The following JAM2 variants were observed in gnomAD, a reference collection of about 807,000 sequenced individuals.
The protein encoded by JAM2 is junctional adhesion molecule 2, also known as junctional adhesion molecule B.
In JAM2, 17 loss-of-function variants were observed where a neutral mutation model predicts 42.0. The observed-to-expected ratio is 0.40, with a 90% CI of 0.28 to 0.61. JAM2 has a LOEUF of 0.61. JAM2 is among the 20% of genes least tolerant of loss of function. The pLI is 0.37. For missense variants in JAM2, 319 were observed against 358.3 expected, an observed-to-expected ratio of 0.89 and a Z score of 0.89; for synonymous variants, 118 against 128.6, an observed-to-expected ratio of 0.92 and a Z score of 0.56.
At chr21:25,710,796 G>C (rs920569582) in intron 8 of JAM2, among the ~76,000 whole-genome samples, 5 of 152,200 alleles carry the variant, frequency 3.3e-5, no homozygotes, top group African/African-American at 9.7e-5. Flanking sequence ...AGTCACTGGA[G>C]GGCTTTAAGC....
chr21:25,693,696 G>C (rs1256459593), intron 3 of JAM2, 60 bp from the exon 4 acceptor site: 2 of 1,332,890 alleles, frequency 1.5e-6, no homozygotes, highest in African/African-American at 1.5e-5. Flanking sequence ...ATTAGAGGAA[G>C]GTATTACACA....
At chr21:25,695,516 G>C (rs367762325) in intron 4 of JAM2, among the ~76,000 whole-genome samples, 41,642 of 151,100 alleles carry the variant, frequency 0.28, 5,793 homozygotes, top group South Asian at 0.41. Flanking sequence ...GGGCGGCCGC[G>C]GGGCAGAGGG....
intron 3 of JAM2, 151 bp downstream of exon 3, chr21:25,690,124 A>G (rs939846015): frequency 1.0e-5 from 6 of 600,542 alleles, no homozygotes; most frequent in South Asian, 8.1e-5. Flanking sequence ...GAGACATAAA[A>G]CACAATAGCC....
At chr21:25,699,538 C>A (rs556993452) in intron 5 of JAM2, among the ~76,000 whole-genome samples, 1 of 151,872 alleles carries the variant, frequency 6.6e-6, no homozygotes, top group Non-Finnish European at 1.5e-5. Context: ...CTGGCTAACA[C>A]GGTGAAACCC....
intron 1 of JAM2, among the ~76,000 whole-genome samples, chr21:25,651,338 A>C (rs577292111): frequency 1.2e-3 from 182 of 152,354 alleles, no homozygotes; most frequent in African/African-American, 4.2e-3. Flanking sequence ...TGGTTCTTCA[A>C]ATATGAAGCT....
intron 1 of JAM2, among the ~76,000 whole-genome samples, chr21:25,670,197 ACCTTGGCTGCGCAT>A (rs774026111): frequency 4.4e-4 from 67 of 152,082 alleles, no homozygotes; most frequent in Non-Finnish European, 2.4e-4. Context: ...CAAAAATTTG[ACCTTGGCTGCGCAT>A]GGTGGCTCAT....
At chr21:25,712,167 T>C (rs1346702547) in intron 8 of JAM2, 173 bp from the exon 9 acceptor site, 3 of 645,522 alleles carry the variant, frequency 4.6e-6, no homozygotes, top group African/African-American at 3.6e-5. Flanking sequence ...TCTCTGTGAA[T>C]ATTGTCTGTA....
chr21:25,698,139 A>G (rs2123397878), intron 4 of JAM2, among the ~76,000 whole-genome samples: 1 of 152,366 alleles, frequency 6.6e-6, no homozygotes, highest in Middle Eastern at 3.4e-3. Context: ...ATAACAGATA[A>G]GCCCTTAACT....
At chr21:25,699,710 C>G (rs901275852) in intron 5 of JAM2, among the ~76,000 whole-genome samples, 10 of 119,180 alleles carry the variant, frequency 8.4e-5, no homozygotes, top group East Asian at 2.4e-4. Context: ...GTGACAGAGC[C>G]AGGCTCCGTC....
chr21:25,714,967 C>T lies in JAM2; in HGVS notation c.*295C>T, dbSNP rs996963822. The T allele has an allele frequency of 8.0e-6, 2 of 250,590 alleles. No homozygotes were observed. 15.5% of individuals were successfully genotyped at this position (250,590 alleles called of 1,614,324 possible). On this transcript the variant is annotated 3_prime_UTR_variant, in exon 10 of 10. Transcript: ENST00000480456. ...TAACCACGTCCTAACTTCTAGAGAA[C>T]GTTACTAAAATATAACATACTGATT...
At chr21:25,657,696 T>TC (rs2032976550) in intron 1 of JAM2, among the ~76,000 whole-genome samples, 1 of 152,218 alleles carries the variant, frequency 6.6e-6, no homozygotes, top group South Asian at 2.1e-4. Context: ...GAGTCTTTTT[T>TC]CCCTCATTTG....
rs146943636 is a variant in JAM2, at chr21:25,712,780, G to A, written c.864+398G>A. ...CTTTTCTTCCCTGTAGCTTGACCAAGCAGAGTGGTTCCAGCAGAGCTGTGG... is the reference window on the plus strand; with the variant it reads ...CTTTTCTTCCCTGTAGCTTGACCAAACAGAGTGGTTCCAGCAGAGCTGTGG... On this transcript the variant is annotated intron_variant, in intron 9 of 9. Transcript: ENST00000480456. Among the ~76,000 whole-genome samples the A allele has an allele frequency of 1.1e-3, 175 of 152,274 alleles. No individual in the cohort carries two copies. The Middle Eastern group carries it at 0.014, about 12-fold the overall frequency.
intron 4 of JAM2, among the ~76,000 whole-genome samples, chr21:25,697,949 A>ACT (rs2034076765): frequency 7.0e-6 from 1 of 142,262 alleles, no homozygotes; most frequent in Non-Finnish European, 1.5e-5. Context: ...ACACACACAC[A>ACT]CACTCTCTCT....
chr21:25,681,685 A>C (rs750526498), intron 1 of JAM2, among the ~76,000 whole-genome samples: 4 of 152,196 alleles, frequency 2.6e-5, no homozygotes, highest in Non-Finnish European at 5.9e-5. Context: ...TACTTTCCCC[A>C]AAGAATTGCT....
At chr21:25,657,766 T>C (rs2032978165) in intron 1 of JAM2, among the ~76,000 whole-genome samples, 1 of 152,190 alleles carries the variant, frequency 6.6e-6, no homozygotes, top group African/African-American at 2.4e-5. Flanking sequence ...ACATTTTATG[T>C]TTTTAAATGG....
chr21:25,640,739 T>G (rs572260873), intron 1 of JAM2, among the ~76,000 whole-genome samples: 22 of 152,378 alleles, frequency 1.4e-4, no homozygotes, highest in Non-Finnish European at 1.2e-4. Flanking sequence ...TTTTGCTTTT[T>G]CTTTTTTCTC....
At chr21:25,695,687 C>T (rs1368909985) in intron 4 of JAM2, among the ~76,000 whole-genome samples, 2 of 150,222 alleles carry the variant, frequency 1.3e-5, no homozygotes, top group Non-Finnish European at 3.0e-5. Context: ...GGCTGCCGGG[C>T]GGAGGGGCTC....
rs776298439 is a variant in JAM2 at position 25,717,388 on chromosome 21, A to G, written c.*2716A>G. 3.6e-5 allele frequency: 10 copies of G among 276,610 alleles called. No homozygotes were observed. Among genetic ancestry groups the G allele is most frequent in the Non-Finnish European group, 5.3e-5 (8 of 150,298 alleles). 17.1% of individuals were successfully genotyped at this position (276,610 alleles called of 1,614,324 possible). On this transcript the variant is annotated 3_prime_UTR_variant, in exon 10 of 10. Coordinates refer to ENST00000480456, the MANE Select transcript of JAM2 (RefSeq NM_021219.4). ...AAGATTAGGGCTTTAAAATCTTATT[A>G]GCAAGCTTTGTTTTGTTTTAATTAT...
rs2034179418 is a variant in JAM2, at chr21:25,702,181, T to C, written c.609T>C (p.Thr203=). 6.4e-7 allele frequency: 1 copy of C among 1,566,464 alleles called. No individual in the cohort carries two copies. Among genetic ancestry groups the C allele is most frequent in the Non-Finnish European group, 8.7e-7 (1 of 1,144,230 alleles). ...GCATCCACAAATAGCAATTTAATACTGTTTCCAAACTGGACACTGGAGAAT... is the reference window on the plus strand; with the variant it reads ...GCATCCACAAATAGCAATTTAATACCGTTTCCAAACTGGACACTGGAGAAT... ...NTKTGTLQFN[T]VSKLDTGEYS... Residue 203 remains threonine, a synonymous_variant, in exon 6 of 10, where the codon ACT becomes ACC. Transcript: ENST00000480456.
Sources: gnomAD v4.1 joint callset for allele counts (sites outside exome capture counted in the v4.1 genomes callset) on GRCh38, gnomAD v4.1.1 for gene constraint, MANE v1.5 for transcripts, NCBI Gene and HGNC (gene_info 2026-07-23, HGNC 2026-07-21) for gene names.